The following SATB2 variants were observed in gnomAD, a reference collection of about 807,000 sequenced individuals.
SATB2 encodes the protein SATB homeobox 2.
In SATB2, 1 loss-of-function variant was observed where a neutral mutation model predicts 73.4. That is an observed-to-expected ratio of 0.01 (90% CI 0.00 to 0.06). The LOEUF is 0.06. Among genes scored for constraint, SATB2 ranks in the 10% least tolerant of loss-of-function variants. The pLI is 1.00. For synonymous variants in SATB2, 397 were observed against 367.0 expected (o/e 1.08, Z -0.93); for missense variants, 459 against 945.8 (o/e 0.49, Z 6.75).
intron 2 of SATB2, among the ~76,000 whole-genome samples, chr2:199,450,818 C>G (rs1412193867): frequency 6.6e-6 from 1 of 152,012 alleles, no homozygotes; most frequent in Non-Finnish European, 1.5e-5. Context: ...CAAATAATTA[C>G]TGTAGTCTTT....
intron 3 of SATB2, among the ~76,000 whole-genome samples, chr2:199,411,010 T>C (rs535814101): frequency 9.9e-5 from 15 of 152,276 alleles, no homozygotes; most frequent in African/African-American, 3.6e-4. Flanking sequence ...GAAGCCCAAG[T>C]AGTAATTGCT....
intron 3 of SATB2, among the ~76,000 whole-genome samples, chr2:199,412,278 T>C (rs1381410236): frequency 6.6e-6 from 1 of 152,168 alleles, no homozygotes; most frequent in Non-Finnish European, 1.5e-5. Context: ...ATACTAAGAA[T>C]TCCTGGTTTT....
intron 6 of SATB2, among the ~76,000 whole-genome samples, chr2:199,367,488 C>T (rs118118980): frequency 6.6e-6 from 1 of 152,192 alleles, no homozygotes; most frequent in East Asian, 1.9e-4. Flanking sequence ...CAAAAGACAA[C>T]CTTGTCAAAA....
chr2:199,324,305 A>G (rs1476672635), intron 8 of SATB2, among the ~76,000 whole-genome samples: 1 of 152,152 alleles, frequency 6.6e-6, no homozygotes, highest in East Asian at 1.9e-4. Context: ...AAAATGGCAC[A>G]CCTTGGAATA....
At position 199,382,274 on chromosome 2, in the gene SATB2, C is replaced by T. The variant is rs567044033; in HGVS notation, c.347-454G>A. On this transcript the variant is annotated intron_variant, in intron 3 of 10. Coordinates refer to ENST00000417098, the MANE Select transcript of SATB2 (RefSeq NM_001172509.2). ...ACGCAGTTACATCCTGACTGTGGTGCGATTCCCAGTGCGAACAGCATTTGG... is the reference window on the plus strand; with the variant it reads ...ACGCAGTTACATCCTGACTGTGGTGTGATTCCCAGTGCGAACAGCATTTGG... Among the ~76,000 whole-genome samples, 4 of 152,228 alleles carry T rather than the reference C, an allele frequency of 2.6e-5. No homozygotes were observed. In the South Asian group the frequency reaches 6.2e-4, roughly 24 times the overall value.
chr2:199,409,163 TTTTC>T (rs1255795384), intron 3 of SATB2, among the ~76,000 whole-genome samples: 2 of 138,238 alleles, frequency 1.4e-5, no homozygotes, highest in East Asian at 4.0e-4. Flanking sequence ...TTCTTTTTTC[TTTTC>T]TTTTTTTTTT....
rs1360634242 is a variant in SATB2 at position 199,398,220 on chromosome 2, C to G, written c.347-16400G>C. ...GGGAACTGCTGAATAACCTGGGCCA[C>G]ACAGGAACGAAAGACTACTGCAGTA... On this transcript the variant is annotated intron_variant, in intron 3 of 10. Coordinates refer to ENST00000417098, the MANE Select transcript of SATB2 (RefSeq NM_001172509.2). Among the ~76,000 whole-genome samples, 138 of 152,086 alleles carry G rather than the reference C, an allele frequency of 9.1e-4. 2 individuals are homozygous for G. Among genetic ancestry groups the G allele is most frequent in the Admixed American group, 9.0e-3 (138 of 15,270 alleles).
Position 199,272,885 on chromosome 2 carries a change from T to C in SATB2, c.1741-213A>G, listed in dbSNP as rs2881208. Among the ~76,000 whole-genome samples, 77,062 of 151,966 alleles carry C rather than the reference T, an allele frequency of 0.51. 22,454 individuals carry two copies. The highest frequency in any genetic ancestry group is 0.64 in the Non-Finnish European group (43,331 of 67,952). The stretch of plus-strand genomic sequence containing the variant: ...TTCATAACAGTAGTATTTGCCATCA[T>C]TTATATTCTGAGATGCAAAGTCAAG... On this transcript the variant is annotated intron_variant, in intron 10 of 10. Coordinates refer to ENST00000417098, the MANE Select transcript of SATB2 (RefSeq NM_001172509.2). The surrounding 1 kb of genome is among the most constrained non-coding windows in gnomAD (Gnocchi z 6.7).
upstream of SATB2, among the ~76,000 whole-genome samples, chr2:199,469,119 A>G (rs1692652645): frequency 6.6e-6 from 1 of 152,178 alleles, no homozygotes; most frequent in Admixed American, 6.5e-5. Context: ...CTCTCCTTGA[A>G]AAGAGCACCC....
At chr2:199,448,404 T>C (rs1415793366) in intron 2 of SATB2, among the ~76,000 whole-genome samples, 1 of 152,028 alleles carries the variant, frequency 6.6e-6, no homozygotes, top group African/African-American at 2.4e-5. Flanking sequence ...TATTTTCTTG[T>C]GTTAAAAAAA....
At chr2:199,426,994 C>T (rs1429340855) in intron 3 of SATB2, among the ~76,000 whole-genome samples, 1 of 152,074 alleles carries the variant, frequency 6.6e-6, no homozygotes, top group Non-Finnish European at 1.5e-5. Flanking sequence ...CTGCCTCAGC[C>T]TCCCGCATAG....
chr2:199,278,242 C>A (rs7570181), intron 10 of SATB2, among the ~76,000 whole-genome samples: 11 of 152,210 alleles, frequency 7.2e-5, no homozygotes, highest in South Asian at 4.1e-4. Context: ...AAAAGGCTGC[C>A]AGGCAAGAAT....
chr2:199,456,739 G>C (rs775248773), intron 1 of SATB2, among the ~76,000 whole-genome samples: 10 of 152,162 alleles, frequency 6.6e-5, no homozygotes, highest in Admixed American at 6.5e-4. Flanking sequence ...TCACAAAGGC[G>C]GGCGCTACAA....
chr2:199,405,911 G>A (rs968127938), intron 3 of SATB2, among the ~76,000 whole-genome samples: 1 of 152,068 alleles, frequency 6.6e-6, no homozygotes, highest in African/African-American at 2.4e-5. Context: ...TAAGTGGAGT[G>A]GGTCTTCATT....
chr2:199,400,599 G>A (rs1286979186), intron 3 of SATB2, among the ~76,000 whole-genome samples: 2 of 152,146 alleles, frequency 1.3e-5, no homozygotes, highest in Non-Finnish European at 2.9e-5. Flanking sequence ...CGTAATAATG[G>A]TAAGACAATG....
At chr2:199,388,796 C>A (rs1690034435) in intron 3 of SATB2, among the ~76,000 whole-genome samples, 1 of 152,010 alleles carries the variant, frequency 6.6e-6, no homozygotes, top group Admixed American at 6.6e-5. Flanking sequence ...AGAACTAAGC[C>A]TTGGGGCTTC....
upstream of SATB2, among the ~76,000 whole-genome samples, chr2:199,461,609 A>AT (rs1692478623): frequency 6.6e-6 from 1 of 152,178 alleles, no homozygotes; most frequent in African/African-American, 2.4e-5. Context: ...TCTGGGGGAC[A>AT]TTTTTATCCC....
intron 5 of SATB2, among the ~76,000 whole-genome samples, chr2:199,374,492 T>C (rs906929423): frequency 1.3e-5 from 2 of 152,280 alleles, no homozygotes; most frequent in African/African-American, 2.4e-5. Context: ...GGGGTGATGG[T>C]TGCACAACAC....
At chr2:199,393,206 A>G (rs2105883507) in intron 3 of SATB2, among the ~76,000 whole-genome samples, 1 of 152,312 alleles carries the variant, frequency 6.6e-6, no homozygotes, top group Non-Finnish European at 1.5e-5. Flanking sequence ...TGTAAGTTCC[A>G]CAGATAACAC....
Sources: allele counts gnomAD v4.1 joint callset (sites outside exome capture counted in the v4.1 genomes callset), GRCh38; gene constraint gnomAD v4.1.1; non-coding constraint Gnocchi (gnomAD v3.1); transcripts MANE v1.5; gene names NCBI Gene and HGNC (gene_info 2026-07-23, HGNC 2026-07-21).